WNK1: variants seen among roughly 807,000 people sequenced by gnomAD.
The protein encoded by WNK1 is WNK lysine deficient protein kinase 1.
In WNK1, 38 loss-of-function variants were observed where a neutral mutation model predicts 222.8. The ratio of observed to expected loss-of-function variants is 0.17; its 90% CI spans 0.13 to 0.22. WNK1 has a LOEUF of 0.22. Among genes scored for constraint, WNK1 ranks in the 10% least tolerant of loss-of-function variants. The pLI is 1.00. For missense variants in WNK1, 2,348 were observed against 2,918.4 expected (o/e 0.80, Z 4.50); for synonymous variants, 1,090 against 1,092.9 (o/e 1.00, Z 0.05).
At chr12:829,013 G>A (rs1948590557) in intron 3 of WNK1, among the ~76,000 whole-genome samples, 1 of 152,166 alleles carries the variant, frequency 6.6e-6, no homozygotes, top group African/African-American at 2.4e-5. Flanking sequence ...CAAGAAGAAT[G>A]GGAAAAGTGT....
At chr12:826,937 A>T in intron 2 of WNK1, 105 bp from the exon 3 acceptor site, 1 of 865,056 alleles carries the variant, frequency 1.2e-6, no homozygotes, top group East Asian at 2.6e-5. Context: ...TTAGTATGCT[A>T]AATTTGATAT....
intron 9 of WNK1, 105 bp from the exon 10 acceptor site, chr12:878,107 A>T: frequency 1.4e-6 from 2 of 1,439,568 alleles, no homozygotes; most frequent in East Asian, 4.7e-5. Flanking sequence ...GATTACTAAA[A>T]TCATCATTAT....
chr12:850,400 CT>C (rs1450018413), intron 4 of WNK1, among the ~76,000 whole-genome samples: 2 of 152,278 alleles, frequency 1.3e-5, no homozygotes, highest in East Asian at 3.9e-4. Flanking sequence ...CCTTTGCCCA[CT>C]TTTTGATGGG....
chr12:869,808 G>A (rs947143162), intron 8 of WNK1, among the ~76,000 whole-genome samples: 1 of 151,540 alleles, frequency 6.6e-6, no homozygotes, highest in Non-Finnish European at 1.5e-5. Flanking sequence ...CTAGTGAGTG[G>A]TGGGCTTTTT....
rs377558862 is a variant in WNK1 at position 861,180 on chromosome 12, C to T, written c.1788C>T (p.Ser596=). The T allele has an allele frequency of 1.7e-5, 27 of 1,613,864 alleles. No homozygotes were observed. Among genetic ancestry groups the T allele is most frequent in the Non-Finnish European group, 2.1e-5 (25 of 1,179,964 alleles). The change falls in exon 7 of 28, where the codon TCC becomes TCT. Residue 596 remains serine, a synonymous_variant. Coordinates refer to ENST00000315939, the MANE Select transcript of WNK1 (RefSeq NM_018979.4). ...ESSLKQQVEQ[S]SASQTGIKQL... is the part of the protein sequence containing the mutation. Reference sequence around the variant, plus strand: ...GTCTCAAACAGCAGGTAGAACAATCCAGTGCTTCCCAGACAGGAATCAAGC... The same window carrying T: ...GTCTCAAACAGCAGGTAGAACAATCTAGTGCTTCCCAGACAGGAATCAAGC...
intron 1 of WNK1, among the ~76,000 whole-genome samples, chr12:774,984 A>G (rs575124826): frequency 2.0e-5 from 3 of 152,150 alleles, no homozygotes; most frequent in South Asian, 4.1e-4. Flanking sequence ...TATACCATCA[A>G]ATTGGTTAGT....
At chr12:809,461 G>A (rs1337270491) in intron 1 of WNK1, among the ~76,000 whole-genome samples, 2 of 151,920 alleles carry the variant, frequency 1.3e-5, no homozygotes, top group South Asian at 2.1e-4. Flanking sequence ...AGACTGGAAG[G>A]TCATAAAGAA....
chr12:870,966 A>T (rs1440370056), intron 8 of WNK1, among the ~76,000 whole-genome samples: 1 of 152,210 alleles, frequency 6.6e-6, no homozygotes, highest in East Asian at 1.9e-4. Flanking sequence ...AACAAATTTT[A>T]TTATGAATCT....
rs187031434 is a variant in WNK1, at chr12:822,082, T to G, written c.933-4960T>G. 1.7e-4 allele frequency among the ~76,000 whole-genome samples: 25 copies of G among 146,694 alleles called. No individual in the cohort carries two copies. The East Asian group carries it at 5.1e-3, about 30-fold the overall frequency. ...TTTGCTGTTTGTTTTCTGTATGTCT[T>G]ATACCTTTTTTTTTTTTTTTTTTTT... On this transcript the variant is annotated intron_variant, in intron 2 of 27. Coordinates refer to ENST00000315939, the MANE Select transcript of WNK1 (RefSeq NM_018979.4).
Position 896,506 on chromosome 12 carries a change from C to G in WNK1, c.6019C>G (p.Leu2007Val), listed in dbSNP as rs761227865. 3 of 1,613,818 alleles carry G rather than the reference C, an allele frequency of 1.9e-6. No individual in the cohort carries two copies. In the East Asian group the frequency reaches 6.7e-5, roughly 36 times the overall value. ...EKPELSEPSH[L>V]NGPSSDPEAA... The stretch of plus-strand genomic sequence containing the variant: ...GCCTGAACTGTCAGAGCCTTCACAT[C>G]TAAATGGGCCGTCTTCTGACCCGGA... The change falls in exon 24 of 28, where the codon CTA (leucine) becomes GTA (valine). Residue 2007 changes from leucine to valine, a missense_variant. Leu to Val is a conservative substitution (Grantham distance 32). Coordinates refer to ENST00000315939, the MANE Select transcript of WNK1 (RefSeq NM_018979.4).
At chr12:894,882 T>A (rs1445159227) in intron 23 of WNK1, among the ~76,000 whole-genome samples, 1 of 152,156 alleles carries the variant, frequency 6.6e-6, no homozygotes, top group Non-Finnish European at 1.5e-5. Flanking sequence ...CCAAGATTAC[T>A]TTTTGGGGTG....
At chr12:779,842 C>T (rs1040924021) in intron 1 of WNK1, among the ~76,000 whole-genome samples, 5 of 152,016 alleles carry the variant, frequency 3.3e-5, no homozygotes, top group East Asian at 1.9e-4. Flanking sequence ...TCTGTGGATG[C>T]GAAGAACTCT....
chr12:781,149 G>T, intron 1 of WNK1: 1 of 155,612 alleles, frequency 6.4e-6, no homozygotes, highest in South Asian at 1.8e-4. Flanking sequence ...TTTTTCTTGG[G>T]GTTGCACTAC....
rs1432714144 is a variant in WNK1, at chr12:859,231, CCT to C, written c.1401-11_1401-10del. On this transcript the variant is annotated splice_polypyrimidine_tract_variant and intron_variant, in intron 5 of 27. Transcript: ENST00000315939. ...TTTTATTTTTGTTCCTTTTCTTTTC[CCT>C]CTGTTTGGAAGATATTCCATCAAAG... is the stretch of plus-strand genomic sequence containing the variant. The C allele has an allele frequency of 3.1e-6, 5 of 1,597,550 alleles. No individual in the cohort carries two copies. In the African/African-American group the frequency reaches 5.4e-5, roughly 17 times the overall value.
chr12:903,021 C>T (rs1283256406), intron 26 of WNK1, among the ~76,000 whole-genome samples: 1 of 152,230 alleles, frequency 6.6e-6, no homozygotes, highest in Non-Finnish European at 1.5e-5. Context: ...CCTTGGGCCT[C>T]TTCACGGTGG....
chr12:766,285 A>G (rs71449107), intron 1 of WNK1, among the ~76,000 whole-genome samples: 1 of 152,168 alleles, frequency 6.6e-6, no homozygotes, highest in Non-Finnish European at 1.5e-5. Context: ...AAAAAATAAA[A>G]CCATGAACAA....
chr12:804,982 A>G (rs1399838922), intron 1 of WNK1, among the ~76,000 whole-genome samples: 1 of 148,472 alleles, frequency 6.7e-6, no homozygotes, highest in Non-Finnish European at 1.5e-5. Context: ...TTTAATATTA[A>G]ATAATATTCC....
At chr12:788,429 G>T (rs1332247493) in intron 1 of WNK1, among the ~76,000 whole-genome samples, 2 of 152,078 alleles carry the variant, frequency 1.3e-5, no homozygotes, top group African/African-American at 4.8e-5. Context: ...ATCAACTTAT[G>T]CACTAATGGA....
chr12:753,775 G>T lies in WNK1; in HGVS notation c.210G>T (p.Ala70=). Residue 70 remains alanine (A), a synonymous_variant, in exon 1 of 28, where the codon GCG becomes GCT. Transcript: ENST00000315939. The surrounding 1 kb of genome is among the most constrained non-coding windows in gnomAD (Gnocchi z 5.2). ...TMDKDSRGAA[A]TTTTTEHRFF... ...ACAAGGACAGCCGTGGGGCGGCCGC[G>T]ACCACTACCACCACTGAGCACCGCT... 1 of 1,612,406 alleles carries T rather than the reference G, an allele frequency of 6.2e-7. No individual in the cohort carries two copies. The highest frequency in any genetic ancestry group is 8.5e-7 in the Non-Finnish European group (1 of 1,179,936).
Sources: allele counts gnomAD v4.1 joint callset (sites outside exome capture counted in the v4.1 genomes callset), GRCh38; gene constraint gnomAD v4.1.1; non-coding constraint Gnocchi (gnomAD v3.1); transcripts MANE v1.5; gene names NCBI Gene and HGNC (gene_info 2026-07-23, HGNC 2026-07-21).